The following FAM168B variants were observed in gnomAD, a reference collection of about 807,000 sequenced individuals.
FAM168B encodes myelin-associated neurite-outgrowth inhibitor.
Under a neutral mutation model 21.8 loss-of-function variants are expected in FAM168B, and 19 were observed. The ratio of observed to expected loss-of-function variants is 0.87; its 90% confidence interval spans 0.61 to 1.28. The LOEUF (loss-of-function observed/expected upper bound fraction) is 1.28. Ranked by LOEUF, FAM168B falls within the 50% of genes most tolerant of loss-of-function variation. The probability of loss-of-function intolerance (pLI) is 0.00; values close to 1 mark genes in which losing one functional copy is unlikely to be tolerated. For missense variants in FAM168B, 233 were observed against 263.1 expected (o/e 0.89, Z 0.79); for synonymous variants, 126 against 104.8 (o/e 1.20, Z -1.24).
At chr2:131,059,798 T>A (rs983715329) in intron 3 of FAM168B, among the ~76,000 whole-genome samples, 2 of 152,112 alleles carry the variant, frequency 1.3e-5, no homozygotes, top group Non-Finnish European at 2.9e-5. Context: ...ATAAAAAAAA[T>A]TTTTAGGTGT....
chr2:131,069,348 T>C (rs1692738643), intron 3 of FAM168B, among the ~76,000 whole-genome samples: 1 of 152,194 alleles, frequency 6.6e-6, no homozygotes, highest in South Asian at 2.1e-4. Flanking sequence ...ATGCCAAAGA[T>C]ATAAACTTCA....
chr2:131,084,153 G>A (rs1211437646), intron 1 of FAM168B, among the ~76,000 whole-genome samples: 1 of 151,434 alleles, frequency 6.6e-6, no homozygotes. Context: ...GCCCACCTCA[G>A]CCTCTCAAAG....
chr2:131,063,081 A>G (rs1323876176), intron 3 of FAM168B, among the ~76,000 whole-genome samples: 2 of 152,242 alleles, frequency 1.3e-5, no homozygotes, highest in East Asian at 1.9e-4. Context: ...TTGACGTTAA[A>G]AAGTTTAATC....
chr2:131,091,864 T>C (rs968031268), intron 1 of FAM168B, among the ~76,000 whole-genome samples: 1 of 150,898 alleles, frequency 6.6e-6, no homozygotes, highest in African/African-American at 2.4e-5. Context: ...GCGCGGTGGC[T>C]CACGTCTGTA....
Position 131,050,310 on chromosome 2 carries a change from T to G in FAM168B, c.*2155A>C, listed in dbSNP as rs1255359099. 1.0e-6 allele frequency: 1 copy of G among 985,360 alleles called. No individual in the cohort carries two copies. The highest frequency in any genetic ancestry group is 1.2e-6 in the Non-Finnish European group (1 of 829,950). 61.0% of individuals were successfully genotyped at this position (985,360 alleles called of 1,614,324 possible). A position where few individuals can be genotyped will look rare whatever the true frequency, so the allele number is the denominator to read the frequency against. ...GCTTTTTAAAAGCATACACTAACAT[T>G]GTGAGTATTTTATCCTAATCTATTA... is the stretch of plus-strand genomic sequence containing the variant. On this transcript the variant is annotated 3_prime_UTR_variant, in exon 7 of 7. Transcript: ENST00000389915.
At position 131,050,339 on chromosome 2, in the gene FAM168B, C is replaced by T; in HGVS notation, c.*2126G>A. The T allele has an allele frequency of 1.0e-6, 1 of 985,548 alleles. No homozygotes were observed. Among genetic ancestry groups the T allele is most frequent in the Non-Finnish European group, 1.2e-6 (1 of 829,930 alleles). 61.1% of individuals were successfully genotyped at this position (985,548 alleles called of 1,614,324 possible). A position where few individuals can be genotyped will look rare whatever the true frequency, so the allele number is the denominator to read the frequency against. ...AGTATTTTATCCTAATCTATTAGCA[C>T]TCAATTGGGAAAAAAGACTTCTCTG... is the stretch of plus-strand genomic sequence containing the variant. On this transcript the variant is annotated 3_prime_UTR_variant, in exon 7 of 7. Transcript: ENST00000389915.
intron 3 of FAM168B, among the ~76,000 whole-genome samples, chr2:131,069,677 TA>T (rs1293907738): frequency 6.6e-6 from 1 of 151,830 alleles, no homozygotes; most frequent in Non-Finnish European, 1.5e-5. Context: ...GTATTTTTAG[TA>T]GAGAGGGGGT....
chr2:131,048,302 C>G lies in FAM168B; in HGVS notation c.*4163G>C. 1 of 1,304,282 alleles carries G rather than the reference C, an allele frequency of 7.7e-7. No homozygotes were observed. Among genetic ancestry groups the G allele is most frequent in the South Asian group, 1.2e-5 (1 of 81,026 alleles). 80.8% of individuals were successfully genotyped at this position (1,304,282 alleles called of 1,614,324 possible). ...ACGGCTGGCCTGAGATCTGGCCCAG[C>G]TGCCTTGCCCACTGGTCTGCACAGG... On this transcript the variant is annotated 3_prime_UTR_variant, in exon 7 of 7. Coordinates refer to ENST00000389915, the MANE Select transcript of FAM168B (RefSeq NM_001009993.4).
intron 1 of FAM168B, among the ~76,000 whole-genome samples, chr2:131,084,685 T>C (rs897427724): frequency 6.6e-6 from 1 of 152,124 alleles, no homozygotes; most frequent in African/African-American, 2.4e-5. Flanking sequence ...AGAAGTACTG[T>C]TGGGAACTGA....
rs149973643 is a variant in FAM168B, at chr2:131,065,564, G to A, written c.154+6291C>T. Among the ~76,000 whole-genome samples the A allele has an allele frequency of 4.9e-3, 746 of 152,090 alleles. 3 individuals carry two copies. The highest frequency in any genetic ancestry group is 0.017 in the African/African-American group (709 of 41,514). ...AGCACTTTGGGAGGCTTAGGTGGGC[G>A]GGATCGCCTGAGGTCAGGAGTTCAA... On this transcript the variant is annotated intron_variant, in intron 3 of 6. Transcript: ENST00000389915.
chr2:131,087,466 C>G (rs969376883), intron 1 of FAM168B, among the ~76,000 whole-genome samples: 2 of 151,778 alleles, frequency 1.3e-5, no homozygotes, highest in Admixed American at 6.6e-5. Context: ...AGCAAGACTC[C>G]GTCTCAAAAA....
intron 3 of FAM168B, among the ~76,000 whole-genome samples, chr2:131,065,144 A>G (rs907998631): frequency 2.0e-5 from 3 of 152,168 alleles, no homozygotes; most frequent in East Asian, 3.9e-4. Context: ...AAAAACAAAC[A>G]AAAAAAGAAG....
intron 3 of FAM168B, among the ~76,000 whole-genome samples, chr2:131,060,538 A>G (rs1692240816): frequency 6.6e-6 from 1 of 152,218 alleles, no homozygotes; most frequent in Non-Finnish European, 1.5e-5. Flanking sequence ...TGCTGAGTAC[A>G]TTATTCTGAT....
intron 1 of FAM168B, among the ~76,000 whole-genome samples, chr2:131,084,467 T>C (rs752302719): frequency 6.6e-6 from 1 of 151,932 alleles, no homozygotes; most frequent in Non-Finnish European, 1.5e-5. Context: ...CCCGAGTAGA[T>C]GGGACTACAG....
chr2:131,091,105 G>A (rs1040753071), intron 1 of FAM168B, among the ~76,000 whole-genome samples: 9 of 152,120 alleles, frequency 5.9e-5, no homozygotes, highest in Admixed American at 2.6e-4. Context: ...AGGCCAACGC[G>A]GGTGGATCAC....
At chr2:131,057,508 G>C (rs1466848277) in intron 3 of FAM168B, among the ~76,000 whole-genome samples, 1 of 152,194 alleles carries the variant, frequency 6.6e-6, no homozygotes, top group Non-Finnish European at 1.5e-5. Context: ...GTTCTGGGAT[G>C]ATCAAAGTAT....
intron 3 of FAM168B, among the ~76,000 whole-genome samples, chr2:131,061,783 A>G (rs1056039279): frequency 1.0e-5 from 1 of 97,346 alleles, no homozygotes; most frequent in African/African-American, 5.6e-5. Context: ...CCCTGTCTCG[A>G]AAAAAAAAAA....
intron 1 of FAM168B, among the ~76,000 whole-genome samples, chr2:131,092,553 T>C (rs1052514568): frequency 6.6e-6 from 1 of 152,208 alleles, no homozygotes; most frequent in Non-Finnish European, 1.5e-5. Context: ...GCGAAAACAC[T>C]GCAAAATATT....
chr2:131,052,264 A>C lies in FAM168B; in HGVS notation c.*201T>G. The C allele has an allele frequency of 1.0e-6, 1 of 985,874 alleles. No individual in the cohort carries two copies. The highest frequency in any genetic ancestry group is 1.7e-5 in the African/African-American group (1 of 57,354). 61.1% of individuals were successfully genotyped at this position (985,874 alleles called of 1,614,324 possible). A position where few individuals can be genotyped will look rare whatever the true frequency, so the allele number is the denominator to read the frequency against. ...AATTGCCAGGCAGTCCACAAAACAG[A>C]ATTTGCTTTAAGACCAACCCACAGA... On this transcript the variant is annotated 3_prime_UTR_variant, in exon 7 of 7. Transcript: ENST00000389915.
Sources: allele counts gnomAD v4.1 joint callset (sites outside exome capture counted in the v4.1 genomes callset), GRCh38; gene constraint gnomAD v4.1.1; transcripts MANE v1.5; gene names NCBI Gene and HGNC (gene_info 2026-07-23, HGNC 2026-07-21).